The following SLC4A10 variants were observed in gnomAD, a reference collection of about 807,000 sequenced individuals.
SLC4A10 encodes sodium-driven chloride bicarbonate exchanger.
SLC4A10 carries 42 observed loss-of-function variants against 137.7 expected under a neutral mutation model. The observed-to-expected ratio is 0.30, with a 90% CI of 0.24 to 0.39. The LOEUF (loss-of-function observed/expected upper bound fraction) is 0.39, where lower values mean the gene tolerates loss of function less well. Ranked by LOEUF, SLC4A10 falls within the 10% of genes least tolerant of loss-of-function variation. The pLI, the probability that SLC4A10 is intolerant of heterozygous loss-of-function variation, is 1.00. For synonymous variants in SLC4A10, 474 were observed against 464.1 expected, an observed-to-expected ratio of 1.02 and a Z score of -0.27; for missense variants, 925 against 1,355.0, an observed-to-expected ratio of 0.68 and a Z score of 4.98.
rs978214439 is a variant in SLC4A10, at chr2:161,735,466, A to G, written c.49-35507A>G. 1.6e-4 allele frequency among the ~76,000 whole-genome samples: 25 copies of G among 152,298 alleles called. 1 individual carries two copies. In the Middle Eastern group the frequency reaches 0.027, roughly 166 times the overall value. ...ATGATTATCTATTACTTAATTTAAT[A>G]CAATATGATCTTAGGATTTTAAGTT... On this transcript the variant is annotated intron_variant, in intron 1 of 26. Coordinates refer to ENST00000446997, the MANE Select transcript of SLC4A10 (RefSeq NM_001178015.2).
chr2:161,629,296 T>C (rs985931101), intron 1 of SLC4A10, among the ~76,000 whole-genome samples: 4 of 151,826 alleles, frequency 2.6e-5, no homozygotes, highest in Non-Finnish European at 5.9e-5. Context: ...CCACAAACAG[T>C]TGTCTCAGAT....
At chr2:161,706,438 T>C (rs923406419) in intron 1 of SLC4A10, among the ~76,000 whole-genome samples, 4 of 151,642 alleles carry the variant, frequency 2.6e-5, no homozygotes, top group African/African-American at 9.7e-5. Context: ...CTGAATTCTA[T>C]CTTTTTTCAA....
chr2:161,741,719 G>A (rs867570137), intron 1 of SLC4A10, among the ~76,000 whole-genome samples: 1 of 151,868 alleles, frequency 6.6e-6, no homozygotes, highest in African/African-American at 2.4e-5. Flanking sequence ...ATATTTATGG[G>A]GTACATGAGG....
chr2:161,659,458 G>A (rs963966443), intron 1 of SLC4A10, among the ~76,000 whole-genome samples: 1 of 152,124 alleles, frequency 6.6e-6, no homozygotes, highest in Non-Finnish European at 1.5e-5. Context: ...TCAGGTGATG[G>A]ATACACTGAA....
At chr2:161,777,413 G>C (rs907673464) in intron 2 of SLC4A10, among the ~76,000 whole-genome samples, 3 of 151,862 alleles carry the variant, frequency 2.0e-5, no homozygotes, top group Non-Finnish European at 4.4e-5. Context: ...CAATGTCATA[G>C]CCAGGAAATC....
intron 1 of SLC4A10, among the ~76,000 whole-genome samples, chr2:161,718,375 T>C (rs1443553513): frequency 6.6e-6 from 1 of 152,124 alleles, no homozygotes; most frequent in Non-Finnish European, 1.5e-5. Context: ...TGTAAATAGT[T>C]CTTTCAGTTG....
At chr2:161,948,846 A>G (rs1030534002) in intron 17 of SLC4A10, among the ~76,000 whole-genome samples, 1 of 152,112 alleles carries the variant, frequency 6.6e-6, no homozygotes, top group Non-Finnish European at 1.5e-5. Context: ...GAATATTCAC[A>G]TGCATGGGTT....
intron 12 of SLC4A10, chr2:161,902,183 C>T (rs1396485035): frequency 2.6e-5 from 11 of 424,694 alleles, no homozygotes; most frequent in Admixed American, 2.2e-4. Context: ...CTCCCACTTC[C>T]GGATTTAGAT....
chr2:161,740,642 A>G (rs932632680), intron 1 of SLC4A10, among the ~76,000 whole-genome samples: 1 of 152,182 alleles, frequency 6.6e-6, no homozygotes, highest in African/African-American at 2.4e-5. Flanking sequence ...GGCTCCACAT[A>G]GGCCTATGGC....
chr2:161,665,327 T>C (rs1011357599), intron 1 of SLC4A10, among the ~76,000 whole-genome samples: 4 of 151,834 alleles, frequency 2.6e-5, no homozygotes, highest in African/African-American at 9.7e-5. Context: ...AATATTTTGG[T>C]CTTGACTACA....
intron 1 of SLC4A10, among the ~76,000 whole-genome samples, chr2:161,630,320 T>TGGTATTAG: frequency 6.6e-6 from 1 of 152,000 alleles, no homozygotes; most frequent in East Asian, 1.9e-4. Context: ...TGTTTGGTTT[T>TGGTATTAG]GGTATTAGGG....
chr2:161,772,487 T>C (rs2051756140), intron 2 of SLC4A10, among the ~76,000 whole-genome samples: 1 of 151,882 alleles, frequency 6.6e-6, no homozygotes, highest in Non-Finnish European at 1.5e-5. Context: ...GAGATCATTT[T>C]AATTGTTATA....
At chr2:161,928,461 A>G in intron 15 of SLC4A10, among the ~76,000 whole-genome samples, 1 of 151,068 alleles carries the variant, frequency 6.6e-6, no homozygotes, top group Admixed American at 6.6e-5. Context: ...AGCATGGCAC[A>G]TGTATACATA....
chr2:161,673,094 C>T (rs1558998064), intron 1 of SLC4A10, among the ~76,000 whole-genome samples: 1 of 152,190 alleles, frequency 6.6e-6, no homozygotes, highest in Non-Finnish European at 1.5e-5. Flanking sequence ...TGTTTACTTA[C>T]TGATACACTA....
intron 15 of SLC4A10, among the ~76,000 whole-genome samples, chr2:161,941,149 C>G (rs1435030097): frequency 6.6e-6 from 1 of 152,144 alleles, no homozygotes; most frequent in Non-Finnish European, 1.5e-5. Flanking sequence ...CAACAATGTT[C>G]CTAACATCAC....
chr2:161,831,942 A>G (rs2058460361), intron 3 of SLC4A10, among the ~76,000 whole-genome samples: 2 of 152,172 alleles, frequency 1.3e-5, no homozygotes, highest in Non-Finnish European at 2.9e-5. Context: ...CAAAGGCACT[A>G]AGTGCCTTTG....
At chr2:161,649,182 C>A (rs1321662738) in intron 1 of SLC4A10, among the ~76,000 whole-genome samples, 1 of 152,098 alleles carries the variant, frequency 6.6e-6, no homozygotes, top group Admixed American at 6.5e-5. Context: ...GCGTGGGCAA[C>A]AAAGTGACAC....
At chr2:161,882,742 G>A (rs768835126) in intron 10 of SLC4A10, among the ~76,000 whole-genome samples, 9 of 151,992 alleles carry the variant, frequency 5.9e-5, no homozygotes, top group Non-Finnish European at 1.0e-4. Flanking sequence ...AAGCACCATT[G>A]TTAATATCAA....
intron 8 of SLC4A10, among the ~76,000 whole-genome samples, chr2:161,877,189 A>T (rs6720337): frequency 6.6e-6 from 1 of 151,902 alleles, no homozygotes; most frequent in African/African-American, 2.4e-5. Flanking sequence ...ACAGACTTTC[A>T]TAGTTAAGAC....
Sources: gnomAD v4.1 joint callset for allele counts (sites outside exome capture counted in the v4.1 genomes callset) on GRCh38, gnomAD v4.1.1 for gene constraint, MANE v1.5 for transcripts, NCBI Gene and HGNC (gene_info 2026-07-23, HGNC 2026-07-21) for gene names.